CUX2: variants seen among roughly 807,000 people sequenced by gnomAD.
CUX2 encodes the protein cut like homeobox 2, also known as homeobox protein cut-like 2.
CUX2 carries 40 observed loss-of-function variants against 144.8 expected under a neutral mutation model. The observed-to-expected ratio is 0.28, with a 90% confidence interval of 0.21 to 0.36. The LOEUF is 0.36. Among genes scored for constraint, CUX2 ranks in the 10% least tolerant of loss-of-function variants. The probability of loss-of-function intolerance (pLI) is 1.00; values close to 1 mark genes in which losing one functional copy is unlikely to be tolerated. For missense variants in CUX2, 1,615 were observed against 1,994.0 expected, an observed-to-expected ratio of 0.81 and a Z score of 3.62; for synonymous variants, 827 against 875.6, an observed-to-expected ratio of 0.94 and a Z score of 0.98.
chr12:111,193,952 G>T (rs1235816535), intron 1 of CUX2, among the ~76,000 whole-genome samples: 1 of 152,190 alleles, frequency 6.6e-6, no homozygotes, highest in Non-Finnish European at 1.5e-5. Context: ...GCCAAGGTTG[G>T]GCTCCTCCGC....
chr12:111,141,584 C>T (rs751321004), intron 1 of CUX2, among the ~76,000 whole-genome samples: 2 of 152,120 alleles, frequency 1.3e-5, no homozygotes, highest in African/African-American at 2.4e-5. Flanking sequence ...AATGGAGACT[C>T]AGAGAGGGAG....
chr12:111,214,145 G>A (rs3825398), intron 1 of CUX2, 55 bp from the exon 2 acceptor site: 321,954 of 1,161,430 alleles, frequency 0.28, 55,356 homozygotes, highest in African/African-American at 0.68. Context: ...AAAAAAAGAA[G>A]AAAAATCTTT....
At position 111,295,265 on chromosome 12, in the gene CUX2, C is replaced by T. The variant is rs1885910360; in HGVS notation, c.561-68C>T. 2 of 1,468,250 alleles carry T rather than the reference C, an allele frequency of 1.4e-6. No individual in the cohort carries two copies. Among genetic ancestry groups the T allele is most frequent in the Non-Finnish European group, 9.4e-7 (1 of 1,069,500 alleles). 91.0% of individuals were successfully genotyped at this position (1,468,250 alleles called of 1,614,324 possible). A position where few individuals can be genotyped will look rare whatever the true frequency, so the allele number is the denominator to read the frequency against. ...GCAAGGGGTAGGAAGCAAGATGGGG[C>T]TCGACTCGGGGGCCCCAGGCAAGGC... On this transcript the variant is annotated intron_variant, in intron 6 of 21. Coordinates refer to ENST00000261726, the MANE Select transcript of CUX2 (RefSeq NM_015267.4). The surrounding 1 kb of genome is among the most constrained non-coding windows in gnomAD (Gnocchi z 5.0).
chr12:111,040,278 C>A (rs112288381), intron 1 of CUX2, among the ~76,000 whole-genome samples: 2 of 151,594 alleles, frequency 1.3e-5, no homozygotes, highest in East Asian at 3.9e-4. Context: ...CTGAGCAAGA[C>A]CCTGTTTAAA....
intron 7 of CUX2, among the ~76,000 whole-genome samples, chr12:111,296,128 G>A (rs1885974927): frequency 6.6e-6 from 1 of 151,970 alleles, no homozygotes; most frequent in Admixed American, 6.6e-5. Context: ...ATGACTTAAG[G>A]GTGTTGGGGG....
At chr12:111,060,791 A>G (rs942720224) in intron 1 of CUX2, among the ~76,000 whole-genome samples, 8 of 152,300 alleles carry the variant, frequency 5.3e-5, no homozygotes, top group African/African-American at 1.9e-4. Flanking sequence ...GACTAGACAA[A>G]GTCCCTTCTC....
In CUX2 at chr12:111,307,127, G is replaced by T; in HGVS notation, c.1050+15G>T. 1 of 1,613,560 alleles carries T rather than the reference G, an allele frequency of 6.2e-7. No homozygotes were observed. The highest frequency in any genetic ancestry group is 1.1e-5 in the South Asian group (1 of 91,034). On this transcript the variant is annotated intron_variant, in intron 11 of 21. Coordinates refer to ENST00000261726, the MANE Select transcript of CUX2 (RefSeq NM_015267.4). This position sits in a 1 kb window ranked among gnomAD's most constrained non-coding sequence, Gnocchi z 4.1. ...AGGCCATAGAAGTGGGTCCTGGGGA[G>T]GAGGCAGGCGGGCAGGCGGCCCCAT...
At chr12:111,134,451 T>C (rs1875705976) in intron 1 of CUX2, among the ~76,000 whole-genome samples, 2 of 152,216 alleles carry the variant, frequency 1.3e-5, no homozygotes, top group African/African-American at 2.4e-5. Flanking sequence ...CATCTTTATA[T>C]CTAATTGAAT....
At chr12:111,148,765 G>A (rs1437353865) in intron 1 of CUX2, among the ~76,000 whole-genome samples, 2 of 152,216 alleles carry the variant, frequency 1.3e-5, no homozygotes, top group African/African-American at 4.8e-5. Flanking sequence ...GGGAGGCCAA[G>A]GCCAGATGAT....
At chr12:111,042,029 C>T (rs570550160) in intron 1 of CUX2, among the ~76,000 whole-genome samples, 10 of 152,300 alleles carry the variant, frequency 6.6e-5, no homozygotes, top group African/African-American at 2.2e-4. Flanking sequence ...TTCAGTTCAG[C>T]CCAATGAAAC....
At chr12:111,049,411 A>G (rs1180698370) in intron 1 of CUX2, among the ~76,000 whole-genome samples, 6 of 152,238 alleles carry the variant, frequency 3.9e-5, no homozygotes, top group Non-Finnish European at 8.8e-5. Flanking sequence ...GAATGTAAAG[A>G]TGAAAAGAAA....
intron 18 of CUX2, among the ~76,000 whole-genome samples, chr12:111,331,983 G>A (rs915305116): frequency 9.9e-5 from 15 of 151,922 alleles, no homozygotes; most frequent in Non-Finnish European, 1.9e-4. Flanking sequence ...GGGAGGCTGA[G>A]GCAGGAGAAT....
intron 3 of CUX2, among the ~76,000 whole-genome samples, chr12:111,233,280 C>T (rs1291519541): frequency 6.6e-6 from 1 of 152,126 alleles, no homozygotes; most frequent in Non-Finnish European, 1.5e-5. Flanking sequence ...TCGCTGGCCA[C>T]CATTGCCTCC....
intron 9 of CUX2, among the ~76,000 whole-genome samples, chr12:111,301,456 G>A (rs956023963): frequency 9.9e-5 from 15 of 152,256 alleles, no homozygotes; most frequent in South Asian, 4.1e-4. Context: ...AGACAAGGAC[G>A]CTGGCTGTTA....
chr12:111,284,037 C>T (rs555856711), intron 4 of CUX2, among the ~76,000 whole-genome samples: 2 of 152,258 alleles, frequency 1.3e-5, no homozygotes, highest in Non-Finnish European at 2.9e-5. Context: ...AGCACCCTGC[C>T]TCCTCTCTCT....
intron 1 of CUX2, among the ~76,000 whole-genome samples, chr12:111,146,001 G>A (rs1355728035): frequency 1.3e-5 from 2 of 152,088 alleles, no homozygotes; most frequent in Admixed American, 6.6e-5. Flanking sequence ...CACCACACCC[G>A]GCCCTGGCTA....
intron 18 of CUX2, among the ~76,000 whole-genome samples, chr12:111,330,728 T>TAC (rs1377439848): frequency 2.0e-4 from 10 of 50,106 alleles, no homozygotes; most frequent in South Asian, 5.2e-4. Context: ...TATATATATA[T>TAC]ATATATATAT....
At chr12:111,180,928 A>T (rs1027971321) in intron 1 of CUX2, among the ~76,000 whole-genome samples, 4 of 152,220 alleles carry the variant, frequency 2.6e-5, no homozygotes, top group African/African-American at 9.6e-5. Context: ...GCTTAGAGGG[A>T]ATAAACAGCT....
intron 3 of CUX2, among the ~76,000 whole-genome samples, chr12:111,252,157 C>T (rs1883593044): frequency 6.6e-6 from 1 of 152,166 alleles, no homozygotes; most frequent in Non-Finnish European, 1.5e-5. Flanking sequence ...CACCACTGCA[C>T]TCCAGCCTGG....
Sources: allele counts gnomAD v4.1 joint callset (sites outside exome capture counted in the v4.1 genomes callset), GRCh38; gene constraint gnomAD v4.1.1; non-coding constraint Gnocchi (gnomAD v3.1); transcripts MANE v1.5; gene names NCBI Gene and HGNC (gene_info 2026-07-23, HGNC 2026-07-21).